The following FOXN3 variants were observed in gnomAD, a reference collection of about 807,000 sequenced individuals.
FOXN3 encodes forkhead box protein N3.
FOXN3 carries 7 observed loss-of-function variants against 38.4 expected under a neutral mutation model. That is an observed-to-expected ratio of 0.18 (90% CI 0.10 to 0.34). The LOEUF (loss-of-function observed/expected upper bound fraction) is 0.34. FOXN3 is among the 10% of genes least tolerant of loss of function. FOXN3 has a pLI of 1.00. For missense variants in FOXN3, 456 were observed against 613.4 expected, an observed-to-expected ratio of 0.74 and a Z score of 2.71; for synonymous variants, 230 against 242.2, an observed-to-expected ratio of 0.95 and a Z score of 0.47.
At chr14:89,617,959 C>G (rs942853388) in intron 1 of FOXN3, among the ~76,000 whole-genome samples, 2 of 152,182 alleles carry the variant, frequency 1.3e-5, no homozygotes, top group African/African-American at 4.8e-5. Context: ...CAGAGCTCTG[C>G]ACCCTCCGAG....
intron 5 of FOXN3, among the ~76,000 whole-genome samples, chr14:89,175,190 C>T (rs530160971): frequency 1.3e-5 from 2 of 152,302 alleles, no homozygotes; most frequent in Non-Finnish European, 2.9e-5. Flanking sequence ...GCCTGACTTG[C>T]TTCATGTTCC....
chr14:89,302,590 G>C (rs910857139), intron 3 of FOXN3, among the ~76,000 whole-genome samples: 2 of 152,108 alleles, frequency 1.3e-5, no homozygotes, highest in African/African-American at 4.8e-5. Flanking sequence ...CTTGGTGCTG[G>C]GTCATTGGGC....
At chr14:89,574,562 C>A (rs573792617) in intron 1 of FOXN3, among the ~76,000 whole-genome samples, 1 of 152,244 alleles carries the variant, frequency 6.6e-6, no homozygotes, top group African/African-American at 2.4e-5. Context: ...AGCTCTGCCC[C>A]CTGCCAAGAC....
intron 2 of FOXN3, among the ~76,000 whole-genome samples, chr14:89,376,778 C>A (rs1405501039): frequency 6.6e-6 from 1 of 152,008 alleles, no homozygotes; most frequent in Non-Finnish European, 1.5e-5. Flanking sequence ...CTTTGGGAGG[C>A]TGAAGCGGGT....
At chr14:89,589,726 G>T (rs1245400699) in intron 1 of FOXN3, among the ~76,000 whole-genome samples, 1 of 141,776 alleles carries the variant, frequency 7.1e-6, no homozygotes, top group African/African-American at 2.5e-5. Context: ...AGAATGAATT[G>T]GGGGCGGGGG....
At chr14:89,437,347 G>A (rs183105337) in intron 1 of FOXN3, among the ~76,000 whole-genome samples, 4 of 152,182 alleles carry the variant, frequency 2.6e-5, no homozygotes, top group East Asian at 3.9e-4. Context: ...CATGACACCC[G>A]CTGAGCTCTC....
intron 2 of FOXN3, among the ~76,000 whole-genome samples, chr14:89,356,984 G>A (rs1283835612): frequency 6.6e-6 from 1 of 152,166 alleles, no homozygotes; most frequent in African/African-American, 2.4e-5. Flanking sequence ...CTGATATGAC[G>A]GTCCAGGACC....
At chr14:89,400,867 C>T (rs1891226357) in intron 2 of FOXN3, among the ~76,000 whole-genome samples, 1 of 152,104 alleles carries the variant, frequency 6.6e-6, no homozygotes, top group African/African-American at 2.4e-5. Flanking sequence ...TGTTTTATAT[C>T]TTCATTGCAT....
chr14:89,528,637 C>G (rs1018316931), intron 1 of FOXN3, among the ~76,000 whole-genome samples: 2 of 151,712 alleles, frequency 1.3e-5, no homozygotes, highest in Non-Finnish European at 2.9e-5. Flanking sequence ...CTCAGATGAT[C>G]TGCCCACCTT....
intron 4 of FOXN3, among the ~76,000 whole-genome samples, chr14:89,280,120 AG>A (rs1220628449): frequency 1.3e-5 from 2 of 152,232 alleles, no homozygotes; most frequent in East Asian, 3.8e-4. Context: ...GCCAATCAAC[AG>A]AAGTAGGAGG....
In FOXN3 at chr14:89,550,645, G is replaced by A. The variant is rs79861227; in HGVS notation, c.-15+68383C>T. Reference sequence around the variant, plus strand: ...TGTCCAACAGTGGATGATCAGAGATGGGGAGAAAGCAGCTCACTTATTTTT... The same window carrying A: ...TGTCCAACAGTGGATGATCAGAGATAGGGAGAAAGCAGCTCACTTATTTTT... On this transcript the variant is annotated intron_variant, in intron 1 of 6. Transcript: ENST00000345097. Among the ~76,000 whole-genome samples the A allele has an allele frequency of 9.3e-3, 1,410 of 152,290 alleles. 17 individuals are homozygous for A. Among genetic ancestry groups the A allele is most frequent in the Middle Eastern group, 0.014 (4 of 294 alleles).
chr14:89,404,285 A>G (rs961248354), intron 2 of FOXN3, among the ~76,000 whole-genome samples: 7 of 151,740 alleles, frequency 4.6e-5, no homozygotes, highest in Non-Finnish European at 8.8e-5. Context: ...CGAGGCGGGC[A>G]GATCACAAGG....
At chr14:89,361,283 C>T (rs200985049) in intron 2 of FOXN3, among the ~76,000 whole-genome samples, 2 of 19,842 alleles carry the variant, frequency 1.0e-4, no homozygotes, top group Admixed American at 5.4e-4. Context: ...CCTCCACCAC[C>T]ACCACCTCCA....
At chr14:89,593,427 T>C (rs903210823) in intron 1 of FOXN3, among the ~76,000 whole-genome samples, 2 of 151,968 alleles carry the variant, frequency 1.3e-5, no homozygotes, top group Admixed American at 6.6e-5. Flanking sequence ...TCACCTAAAG[T>C]CAGGAGTTCG....
At chr14:89,334,026 T>TACACAC (rs34061100) in intron 3 of FOXN3, among the ~76,000 whole-genome samples, 79 of 127,156 alleles carry the variant, frequency 6.2e-4, no homozygotes, top group Admixed American at 2.8e-3. Context: ...AAATGTGGTA[T>TACACAC]ACACACACAC....
chr14:89,458,858 A>T (rs189137778), intron 1 of FOXN3, among the ~76,000 whole-genome samples: 1 of 152,210 alleles, frequency 6.6e-6, no homozygotes, highest in Admixed American at 6.5e-5. Flanking sequence ...CCTTAAATAA[A>T]GATTCACCAC....
At chr14:89,570,697 T>G (rs1464404535) in intron 1 of FOXN3, among the ~76,000 whole-genome samples, 1 of 152,050 alleles carries the variant, frequency 6.6e-6, no homozygotes, top group East Asian at 1.9e-4. Context: ...GGTTTTTTTT[T>G]TTTAGCTCAT....
intron 1 of FOXN3, among the ~76,000 whole-genome samples, chr14:89,468,078 T>C (rs548942025): frequency 1.3e-5 from 2 of 151,976 alleles, no homozygotes; most frequent in African/African-American, 2.4e-5. Context: ...TTTGATTATT[T>C]TTTTTTTTAT....
At chr14:89,483,370 A>C (rs1417853135) in intron 1 of FOXN3, among the ~76,000 whole-genome samples, 1 of 152,158 alleles carries the variant, frequency 6.6e-6, no homozygotes, top group Non-Finnish European at 1.5e-5. Flanking sequence ...ACTCTGGGCA[A>C]ATGAGACATA....
Sources: gnomAD v4.1 joint callset for allele counts (sites outside exome capture counted in the v4.1 genomes callset) on GRCh38, gnomAD v4.1.1 for gene constraint, MANE v1.5 for transcripts, NCBI Gene and HGNC (gene_info 2026-07-23, HGNC 2026-07-21) for gene names.